Variants in INSR observed in about 807,000 individuals in gnomAD.
INSR encodes IR.
INSR carries 67 observed loss-of-function variants against 142.6 expected under a neutral mutation model. The observed-to-expected ratio is 0.47, with a 90% CI of 0.39 to 0.58. The LOEUF (loss-of-function observed/expected upper bound fraction) is 0.58, where lower values mean the gene tolerates loss of function less well. Ranked by LOEUF, INSR falls within the 20% of genes least tolerant of loss-of-function variation. The pLI, the probability that INSR is intolerant of heterozygous loss-of-function variation, is 0.00. For synonymous variants in INSR, 756 were observed against 743.1 expected, an observed-to-expected ratio of 1.02 and a Z score of -0.28; for missense variants, 1,248 against 1,833.2, an observed-to-expected ratio of 0.68 and a Z score of 5.83.
intron 13 of INSR, among the ~76,000 whole-genome samples, chr19:7,135,691 C>T (rs924283320): frequency 1.3e-5 from 2 of 151,924 alleles, no homozygotes; most frequent in African/African-American, 4.8e-5. Flanking sequence ...CTTCCACCAG[C>T]TGGGCACGGT....
At chr19:7,186,052 CG>C (rs1974423452) in intron 2 of INSR, among the ~76,000 whole-genome samples, 1 of 150,500 alleles carries the variant, frequency 6.6e-6, no homozygotes, top group Non-Finnish European at 1.5e-5. Flanking sequence ...AACAATTAGC[CG>C]GGTGTGGTGG....
At position 7,153,120 on chromosome 19, in the gene INSR, A is replaced by ACACAC. The variant is rs1302321452; in HGVS notation, c.2030-198_2030-194dup. On this transcript the variant is annotated intron_variant, in intron 9 of 21. Coordinates refer to ENST00000302850, the MANE Select transcript of INSR (RefSeq NM_000208.4). ...ACACACACCACAAACACACAACCAC[A>ACACAC]CACACACACCACACACCACACACAC... 1.6e-4 allele frequency among the ~76,000 whole-genome samples: 18 copies of ACACAC among 111,602 alleles called. 3 individuals are homozygous for ACACAC. The East Asian group carries it at 2.2e-3, about 14-fold the overall frequency. 73.2% of individuals were successfully genotyped at this position (111,602 alleles called of 152,430 possible).
At position 7,174,829 on chromosome 19, in the gene INSR, T is replaced by C. The variant is rs139281100; in HGVS notation, c.975-98A>G. ...ATCTCAGGCATCTTTCTGCCTGATA[T>C]GGTATTTCTTTGTGTGTGTGTGTGT... is the stretch of plus-strand genomic sequence containing the variant. On this transcript the variant is annotated intron_variant, in intron 3 of 21. Transcript: ENST00000302850. The C allele has an allele frequency of 4.5e-5, 56 of 1,251,870 alleles. No homozygotes were observed. In the African/African-American group the frequency reaches 6.7e-4, roughly 15 times the overall value. 77.5% of individuals were successfully genotyped at this position (1,251,870 alleles called of 1,614,324 possible). A position where few individuals can be genotyped will look rare whatever the true frequency, so the allele number is the denominator to read the frequency against.
intron 2 of INSR, among the ~76,000 whole-genome samples, chr19:7,226,404 G>A (rs141132051): frequency 7.9e-4 from 67 of 85,172 alleles, no homozygotes; most frequent in African/African-American, 2.8e-3. Context: ...GTGAGACTCC[G>A]TCTCAAGGGA....
Position 7,172,303 on chromosome 19 carries a change from T to C in INSR, c.1255A>G (p.Thr419Ala), listed in dbSNP as rs1245261538. Residue 419 changes from threonine to alanine, a missense_variant, in exon 5 of 22, where the codon ACC (threonine) becomes GCC (alanine). Thr to Ala is a moderately conservative substitution (Grantham distance 58). Transcript: ENST00000302850. The part of the protein sequence containing the change: ...FRKLRLIRGE[T>A]LEIGNYSFYA... ...AGGCCCACGTACCCAATTTCCAAGG[T>C]CTCTCCTCGAATCAGACGTAACTTC... The C allele has an allele frequency of 6.2e-7, 1 of 1,614,034 alleles. No individual in the cohort carries two copies. Among genetic ancestry groups the C allele is most frequent in the South Asian group, 1.1e-5 (1 of 91,080 alleles).
intron 2 of INSR, among the ~76,000 whole-genome samples, chr19:7,210,886 T>C (rs375957394): frequency 2.7e-4 from 41 of 152,132 alleles, no homozygotes; most frequent in Admixed American, 1.6e-3. Context: ...CCCACCACCA[T>C]GCCCAGCTAA....
intron 3 of INSR, among the ~76,000 whole-genome samples, chr19:7,178,399 C>T (rs1429577735): frequency 2.0e-5 from 3 of 151,926 alleles, no homozygotes; most frequent in African/African-American, 2.4e-5. Context: ...CAATCAATCA[C>T]GCCTAAGGAA....
chr19:7,125,164 G>C lies in INSR; in HGVS notation c.3258+119C>G. 8.3e-7 allele frequency: 1 copy of C among 1,203,126 alleles called. No homozygotes were observed. The highest frequency in any genetic ancestry group is 1.3e-5 in the South Asian group (1 of 78,986). The allele number at this position is 1,203,126 out of a possible 1,614,324, so 74.5% of individuals were successfully genotyped here. ...CACCTCTAGGATGGGAAGCTTAGTG[G>C]AGTGAGGGGTGGGTAGGAGGTTACA... On this transcript the variant is annotated intron_variant, in intron 17 of 21. Coordinates refer to ENST00000302850, the MANE Select transcript of INSR (RefSeq NM_000208.4). The surrounding 1 kb of genome is among the most constrained non-coding windows in gnomAD (Gnocchi z 4.9).
At position 7,117,129 on chromosome 19, in the gene INSR, A is replaced by T. The variant is rs1416105138; in HGVS notation, c.4076T>A (p.Ile1359Asn). The change falls in exon 22 of 22, where the codon ATC (isoleucine) becomes AAC (asparagine). Residue 1359 changes from isoleucine (I) to asparagine (N), a missense_variant. Coordinates refer to ENST00000302850, the MANE Select transcript of INSR (RefSeq NM_000208.4). Reference protein sequence around the residue: ...LGFKRSYEEHIPYTHMNGGKK... With the variant: ...LGFKRSYEEHNPYTHMNGGKK... ...GCCTCCGTTCATGTGTGTGTAAGGG[A>T]TGTGTTCCTCGTAGCTCCGCTTGAA... 1 of 1,614,020 alleles carries T rather than the reference A, an allele frequency of 6.2e-7. No individual in the cohort carries two copies. The highest frequency in any genetic ancestry group is 2.2e-5 in the East Asian group (1 of 44,876).
At position 7,125,147 on chromosome 19, in the gene INSR, G is replaced by T. The variant is rs991836525; in HGVS notation, c.3258+136C>A. Reference sequence around the variant, plus strand: ...GGAATGATCCCTCCTCACACCTCTAGGATGGGAAGCTTAGTGGAGTGAGGG... The same window carrying T: ...GGAATGATCCCTCCTCACACCTCTATGATGGGAAGCTTAGTGGAGTGAGGG... On this transcript the variant is annotated intron_variant, in intron 17 of 21. Transcript: ENST00000302850. The surrounding 1 kb of genome is among the most constrained non-coding windows in gnomAD (Gnocchi z 4.9). 1.0e-5 allele frequency: 11 copies of T among 1,049,126 alleles called. No individual in the cohort carries two copies. In the South Asian group the frequency reaches 1.5e-4, roughly 14 times the overall value. 65.0% of individuals were successfully genotyped at this position (1,049,126 alleles called of 1,614,324 possible).
intron 14 of INSR, among the ~76,000 whole-genome samples, chr19:7,130,674 T>C (rs928990687): frequency 3.3e-5 from 5 of 152,194 alleles, no homozygotes; most frequent in African/African-American, 1.2e-4. Context: ...GCTGAGCAGA[T>C]GCCAGCATCA....
chr19:7,161,324 A>T (rs1973744129), intron 9 of INSR, among the ~76,000 whole-genome samples: 1 of 151,938 alleles, frequency 6.6e-6, no homozygotes, highest in Admixed American at 6.6e-5. Context: ...CACTGGAATA[A>T]TCATAGCTCA....
At chr19:7,174,255 G>A (rs1221302915) in intron 4 of INSR, among the ~76,000 whole-genome samples, 2 of 151,890 alleles carry the variant, frequency 1.3e-5, no homozygotes, top group African/African-American at 4.8e-5. Context: ...TTGCCCCACT[G>A]TACTCCAGCC....
At chr19:7,202,154 C>T (rs994560170) in intron 2 of INSR, among the ~76,000 whole-genome samples, 13 of 152,252 alleles carry the variant, frequency 8.5e-5, no homozygotes, top group African/African-American at 3.1e-4. Context: ...AAACTTGGCT[C>T]GTGCGACTGA....
intron 11 of INSR, among the ~76,000 whole-genome samples, chr19:7,144,401 C>CTTAT (rs957771784): frequency 5.9e-5 from 9 of 151,876 alleles, no homozygotes; most frequent in Non-Finnish European, 1.2e-4. Flanking sequence ...AACCATCCTC[C>CTTAT]TTATTTATTT....
At chr19:7,215,725 G>A (rs143138516) in intron 2 of INSR, among the ~76,000 whole-genome samples, 5 of 151,496 alleles carry the variant, frequency 3.3e-5, no homozygotes, top group Non-Finnish European at 7.4e-5. Flanking sequence ...ATGCCACCAC[G>A]CCTGGCTAAT....
chr19:7,285,916 G>A (rs529334722), intron 1 of INSR, among the ~76,000 whole-genome samples: 43 of 152,148 alleles, frequency 2.8e-4, no homozygotes, highest in African/African-American at 8.9e-4. Context: ...CTCTACACAT[G>A]GCTTAAAAAT....
intron 1 of INSR, among the ~76,000 whole-genome samples, chr19:7,282,604 C>A (rs1159206317): frequency 6.6e-6 from 1 of 151,638 alleles, no homozygotes; most frequent in Non-Finnish European, 1.5e-5. Context: ...ATTGCTTAAA[C>A]CCTGGAGGCG....
In INSR at chr19:7,225,355, C is replaced by A. The variant is rs1165414518; in HGVS notation, c.653-40718G>T. Among the ~76,000 whole-genome samples the A allele has an allele frequency of 1.3e-5, 2 of 152,122 alleles. No individual in the cohort carries two copies. The highest frequency in any genetic ancestry group is 4.8e-5 in the African/African-American group (2 of 41,424). ...CCCTTCCCCGACACTTTCTCCAGAT[C>A]AGCTTAGGGGTGCTTGAGTGCCTGA... is the stretch of plus-strand genomic sequence containing the variant. On this transcript the variant is annotated intron_variant, in intron 2 of 21. Transcript: ENST00000302850. This position sits in a 1 kb window ranked among gnomAD's most constrained non-coding sequence, Gnocchi z 4.7.
Sources: gnomAD v4.1 joint callset for allele counts (sites outside exome capture counted in the v4.1 genomes callset) on GRCh38, gnomAD v4.1.1 for gene constraint, Gnocchi (gnomAD v3.1) non-coding constraint, MANE v1.5 for transcripts, NCBI Gene and HGNC (gene_info 2026-07-23, HGNC 2026-07-21) for gene names.